EZR: variants seen among roughly 807,000 people sequenced by gnomAD.
The protein encoded by EZR is cytovillin 2.
A neutral mutation model predicts 74.8 loss-of-function variants in EZR; 40 were observed. The observed-to-expected ratio is 0.53, with a 90% CI of 0.42 to 0.70. EZR has a LOEUF of 0.70. Among genes scored for constraint, EZR ranks in the 30% least tolerant of loss-of-function variants. EZR has a pLI of 0.00. For missense variants in EZR, 678 were observed against 755.8 expected, an observed-to-expected ratio of 0.90 and a Z score of 1.21; for synonymous variants, 341 against 283.3, an observed-to-expected ratio of 1.20 and a Z score of -2.05.
intron 7 of EZR, among the ~76,000 whole-genome samples, chr6:158,780,479 AAG>A (rs1412435904): frequency 3.3e-5 from 5 of 152,170 alleles, no homozygotes; most frequent in African/African-American, 1.2e-4. Context: ...TGCATACGGA[AAG>A]AGACGTGAGA....
At chr6:158,771,030 A>G in intron 9 of EZR, 136 bp from the exon 10 acceptor site, 1 of 1,421,468 alleles carries the variant, frequency 7.0e-7, no homozygotes, top group Non-Finnish European at 9.6e-7. Flanking sequence ...TGCCAGCCTG[A>G]GCTGCCTGAC....
chr6:158,797,435 T>C (rs3123121), intron 2 of EZR, among the ~76,000 whole-genome samples: 17,112 of 152,222 alleles, frequency 0.11, 993 homozygotes, highest in Middle Eastern at 0.15. Flanking sequence ...CCCTATATTA[T>C]CACACCTGCC....
At chr6:158,773,629 C>A (rs910917858) in intron 8 of EZR, among the ~76,000 whole-genome samples, 1 of 152,196 alleles carries the variant, frequency 6.6e-6, no homozygotes, top group African/African-American at 2.4e-5. Flanking sequence ...TTCAAGTCCC[C>A]AGGATGCCAG....
chr6:158,774,719 A>G (rs909896904), intron 8 of EZR, among the ~76,000 whole-genome samples: 3 of 150,562 alleles, frequency 2.0e-5, no homozygotes, highest in Admixed American at 6.6e-5. Flanking sequence ...ACACACGCAC[A>G]AACATTCTGA....
chr6:158,780,519 C>T (rs557017017), intron 7 of EZR, among the ~76,000 whole-genome samples: 4 of 152,212 alleles, frequency 2.6e-5, no homozygotes, highest in East Asian at 3.9e-4. Context: ...AGTACCTATC[C>T]GCAAGGAATT....
intron 12 of EZR, 100 bp downstream of exon 12, chr6:158,769,226 G>C: frequency 1.1e-6 from 1 of 934,420 alleles, no homozygotes; most frequent in Admixed American, 2.0e-5. Flanking sequence ...GCTTGAGCCA[G>C]ACCTCTCCCC....
intron 2 of EZR, among the ~76,000 whole-genome samples, chr6:158,797,578 TCAG>T (rs957066632): frequency 2.0e-5 from 3 of 152,116 alleles, no homozygotes; most frequent in Admixed American, 6.5e-5. Context: ...AGGTGCCACT[TCAG>T]CAACTTTTAA....
At chr6:158,816,520 G>T (rs879601698) in intron 2 of EZR, among the ~76,000 whole-genome samples, 2 of 152,122 alleles carry the variant, frequency 1.3e-5, no homozygotes, top group Non-Finnish European at 2.9e-5. Context: ...TCCGCATACC[G>T]TTGCACTCAG....
chr6:158,791,308 C>T (rs533008660), intron 2 of EZR, among the ~76,000 whole-genome samples: 43 of 152,284 alleles, frequency 2.8e-4, no homozygotes, highest in African/African-American at 7.9e-4. Context: ...TTTAATCATA[C>T]TAAAATATAA....
At chr6:158,799,272 C>G (rs1777142135) in intron 2 of EZR, among the ~76,000 whole-genome samples, 1 of 152,174 alleles carries the variant, frequency 6.6e-6, no homozygotes, top group Admixed American at 6.5e-5. Flanking sequence ...GGCTAAGGGT[C>G]TGACTCAGGT....
At chr6:158,798,677 G>A (rs1430657097) in intron 2 of EZR, among the ~76,000 whole-genome samples, 1 of 148,540 alleles carries the variant, frequency 6.7e-6, no homozygotes, top group East Asian at 2.0e-4. Context: ...TGTTGCCCAG[G>A]CTGGAGTGCA....
At chr6:158,787,028 G>T in intron 4 of EZR, 80 bp downstream of exon 4, 1 of 1,124,978 alleles carries the variant, frequency 8.9e-7, no homozygotes, top group South Asian at 1.3e-5. Context: ...CAAAAGACAG[G>T]GTGAGTTGCT....
Position 158,790,360 on chromosome 6 carries a change from G to A in EZR, c.13-989C>T, listed in dbSNP as rs145496557. Among the ~76,000 whole-genome samples the A allele has an allele frequency of 2.8e-3, 433 of 152,282 alleles. 2 individuals carry two copies. Among genetic ancestry groups the A allele is most frequent in the African/African-American group, 1.0e-2 (414 of 41,552 alleles). On this transcript the variant is annotated intron_variant, in intron 2 of 13. Coordinates refer to ENST00000367075, the MANE Select transcript of EZR (RefSeq NM_001111077.2). ...AGGGCCTTAAAATATTTCTAATGTT[G>A]CCATGTAGTTGTTTTAAAAAAACAA...
intron 4 of EZR, among the ~76,000 whole-genome samples, chr6:158,786,657 C>A (rs900978012): frequency 8.6e-4 from 124 of 144,672 alleles, no homozygotes; most frequent in Non-Finnish European, 8.8e-4. Context: ...GTGGGGGTTT[C>A]AAAAAAAAAA....
At chr6:158,775,298 C>T (rs899987910) in intron 8 of EZR, among the ~76,000 whole-genome samples, 1 of 152,096 alleles carries the variant, frequency 6.6e-6, no homozygotes, top group Non-Finnish European at 1.5e-5. Flanking sequence ...TCCCAAGGTC[C>T]TGGGATTACA....
chr6:158,785,333 C>G lies in EZR; in HGVS notation c.443G>C (p.Ser148Thr). 3 of 1,614,154 alleles carry G rather than the reference C, an allele frequency of 1.9e-6. No homozygotes were observed. The highest frequency in any genetic ancestry group is 2.5e-6 in the Non-Finnish European group (3 of 1,180,042). ...CCTTTGAGGGATCAGCCGCTCAGAG[C>G]TGAGGTACCCAGACTTGTGCACTTC... ...NKEVHKSGYL[S>T]SERLIPQRVM... The change falls in exon 5 of 14, where the codon AGC becomes ACC. Residue 148 changes from serine (S) to threonine (T), a missense_variant. Physicochemically the swap from Ser to Thr is moderately conservative, Grantham distance 58. Around this residue, in one of 3 missense-constraint regions of EZR, gnomAD observed 217 missense variants for 232.2 expected, o/e 0.93. Coordinates refer to ENST00000367075, the MANE Select transcript of EZR (RefSeq NM_001111077.2).
In EZR at chr6:158,771,411, C is replaced by T. The variant is rs554498845; in HGVS notation, c.796-4G>A. On this transcript the variant is annotated splice_region_variant and splice_polypyrimidine_tract_variant and intron_variant, in intron 8 of 13. Transcript: ENST00000367075. ...GTGGGGCATAAAACACAAAGTCCTACAAAACAGAACAGGGCCACCTGGACT... is the reference window on the plus strand; with the variant it reads ...GTGGGGCATAAAACACAAAGTCCTATAAAACAGAACAGGGCCACCTGGACT... 5 of 1,595,588 alleles carry T rather than the reference C, an allele frequency of 3.1e-6. No homozygotes were observed. Among genetic ancestry groups the T allele is most frequent in the Admixed American group, 3.5e-5 (2 of 57,746 alleles).
chr6:158,767,086 A>G lies in EZR; in HGVS notation c.1597-8T>C. On this transcript the variant is annotated splice_region_variant and splice_polypyrimidine_tract_variant and intron_variant, in intron 13 of 13. Coordinates refer to ENST00000367075, the MANE Select transcript of EZR (RefSeq NM_001111077.2). ...CAGCTCGCTGCTCAGCGTCTGTAAC[A>G]TTAAGCAGCATTGGTCTAGTCCCTT... 2.5e-6 allele frequency: 4 copies of G among 1,614,036 alleles called. No homozygotes were observed. Among genetic ancestry groups the G allele is most frequent in the Non-Finnish European group, 3.4e-6 (4 of 1,179,976 alleles).
At chr6:158,785,142 C>G (rs902512017) in intron 5 of EZR, among the ~76,000 whole-genome samples, 167 bp downstream of exon 5, 2 of 152,208 alleles carry the variant, frequency 1.3e-5, no homozygotes, top group Non-Finnish European at 2.9e-5. Context: ...GCTCGCCTTC[C>G]CTGGCTATGT....
Sources: gnomAD v4.1 joint callset for allele counts (sites outside exome capture counted in the v4.1 genomes callset) on GRCh38, gnomAD v4.1.1 for gene constraint, gnomAD v4.1.1 regional missense constraint, MANE v1.5 for transcripts, NCBI Gene and HGNC (gene_info 2026-07-23, HGNC 2026-07-21) for gene names.